Variants in DOCK3 observed in about 807,000 individuals in gnomAD.
DOCK3 encodes the protein dedicator of cytokinesis 3, also known as dedicator of cytokinesis protein 3.
Under a neutral mutation model 265.6 loss-of-function variants are expected in DOCK3, and 60 were observed. That is an observed-to-expected ratio of 0.23 (90% CI 0.18 to 0.28). The LOEUF (loss-of-function observed/expected upper bound fraction) is 0.28, where lower values mean the gene tolerates loss of function less well. DOCK3 is among the 10% of genes least tolerant of loss of function. The pLI, the probability that DOCK3 is intolerant of heterozygous loss-of-function variation, is 1.00. For missense variants in DOCK3, 1,981 were observed against 2,594.3 expected (o/e 0.76, Z 5.14); for synonymous variants, 881 against 938.0 (o/e 0.94, Z 1.11).
At chr3:51,166,314 G>A (rs1161849706) in intron 12 of DOCK3, among the ~76,000 whole-genome samples, 1 of 152,122 alleles carries the variant, frequency 6.6e-6, no homozygotes, top group African/African-American at 2.4e-5. Flanking sequence ...GCCTCCCAAA[G>A]TGCTGGGATT....
chr3:50,893,749 C>A (rs928845788), intron 4 of DOCK3, among the ~76,000 whole-genome samples: 1 of 151,746 alleles, frequency 6.6e-6, no homozygotes, highest in Non-Finnish European at 1.5e-5. Context: ...GAAAACTTCC[C>A]AAATCTGGGG....
intron 2 of DOCK3, among the ~76,000 whole-genome samples, chr3:50,803,530 C>A (rs924213116): frequency 2.0e-5 from 3 of 152,362 alleles, no homozygotes; most frequent in African/African-American, 4.8e-5. Context: ...CACTTCCCCC[C>A]CTTCCACTCA....
chr3:50,969,669 C>G (rs2077135892), intron 5 of DOCK3, among the ~76,000 whole-genome samples: 1 of 152,070 alleles, frequency 6.6e-6, no homozygotes, highest in Non-Finnish European at 1.5e-5. Flanking sequence ...TAGTACTGAT[C>G]TAGTGGTGAT....
chr3:50,745,842 T>C (rs1309295701), intron 1 of DOCK3, among the ~76,000 whole-genome samples: 1 of 152,224 alleles, frequency 6.6e-6, no homozygotes, highest in African/African-American at 2.4e-5. Flanking sequence ...GGCTCCAGGG[T>C]TCCAAGAGAA....
At chr3:50,800,266 T>A (rs1414008902) in intron 2 of DOCK3, among the ~76,000 whole-genome samples, 1 of 152,232 alleles carries the variant, frequency 6.6e-6, no homozygotes, top group Non-Finnish European at 1.5e-5. Flanking sequence ...GAAGACTTGG[T>A]ATTAATTCTT....
At chr3:51,217,785 G>A (rs2089866758) in intron 14 of DOCK3, among the ~76,000 whole-genome samples, 6 of 152,066 alleles carry the variant, frequency 3.9e-5, no homozygotes, top group Admixed American at 3.9e-4. Flanking sequence ...AAAGAAAACC[G>A]TTAGCCAAAA....
At chr3:51,097,179 A>T (rs1483416654) in intron 9 of DOCK3, among the ~76,000 whole-genome samples, 1 of 152,182 alleles carries the variant, frequency 6.6e-6, no homozygotes, top group Non-Finnish European at 1.5e-5. Flanking sequence ...AGGCAGGAGC[A>T]TTTAAGTCTG....
intron 49 of DOCK3, among the ~76,000 whole-genome samples, chr3:51,370,525 G>A (rs1576970008): frequency 6.6e-6 from 1 of 152,250 alleles, no homozygotes; most frequent in Non-Finnish European, 1.5e-5. Flanking sequence ...TCACAGGCTG[G>A]CGGTTACCAC....
intron 1 of DOCK3, among the ~76,000 whole-genome samples, chr3:50,740,465 G>A (rs1280724401): frequency 6.6e-6 from 1 of 152,080 alleles, no homozygotes; most frequent in African/African-American, 2.4e-5. Context: ...CAAAACGATA[G>A]TATCATTTTT....
chr3:50,731,057 A>G (rs1224473246), intron 1 of DOCK3, among the ~76,000 whole-genome samples: 2 of 151,148 alleles, frequency 1.3e-5, no homozygotes, highest in South Asian at 4.2e-4. Flanking sequence ...GCATGAACCC[A>G]GGAGGCAGAG....
At chr3:51,243,100 G>T (rs2078681674) in intron 21 of DOCK3, among the ~76,000 whole-genome samples, 1 of 152,178 alleles carries the variant, frequency 6.6e-6, no homozygotes, top group Non-Finnish European at 1.5e-5. Flanking sequence ...AGCCCCATCT[G>T]ATGGGCAAGA....
intron 4 of DOCK3, among the ~76,000 whole-genome samples, chr3:50,931,349 T>C (rs1279921728): frequency 2.6e-5 from 4 of 152,198 alleles, no homozygotes. Flanking sequence ...ACATTAGATG[T>C]TATAGTTAAT....
intron 5 of DOCK3, among the ~76,000 whole-genome samples, chr3:51,062,439 C>A (rs527963111): frequency 6.6e-6 from 1 of 152,252 alleles, no homozygotes; most frequent in East Asian, 1.9e-4. Context: ...AATGTTGCCA[C>A]CTTACTTCAT....
chr3:51,337,690 C>T (rs2084961757), intron 35 of DOCK3, among the ~76,000 whole-genome samples: 1 of 152,216 alleles, frequency 6.6e-6, no homozygotes, highest in Admixed American at 6.5e-5. Context: ...CTTTGACCAA[C>T]CCTCTCCCTA....
Position 50,725,899 on chromosome 3 carries a change from G to A in DOCK3, c.37+50599G>A, listed in dbSNP as rs1305631862. 3.3e-5 allele frequency among the ~76,000 whole-genome samples: 5 copies of A among 152,070 alleles called. No individual in the cohort carries two copies. The East Asian group carries it at 9.6e-4, about 29-fold the overall frequency. ...TGAAGGCATATACAGTCATCCCTTG[G>A]TATCTCTTGGAGTAATTGTGAAAAG... On this transcript the variant is annotated intron_variant, in intron 1 of 52. Transcript: ENST00000266037.
intron 27 of DOCK3, 69 bp from the exon 28 acceptor site, chr3:51,310,163 A>G: frequency 8.1e-7 from 1 of 1,228,912 alleles, no homozygotes; most frequent in Non-Finnish European, 1.2e-6. Context: ...AGTGGCGGCC[A>G]GGAGTGGCCT....
At position 51,360,500 on chromosome 3, in the gene DOCK3, T is replaced by C; in HGVS notation, c.4885-11T>C. Reference sequence around the variant, plus strand: ...TTTACTCTCTATGAAGGGGCATTCATTTCTCAACAGGAGTTTCCAGGTTTG... The same window carrying C: ...TTTACTCTCTATGAAGGGGCATTCACTTCTCAACAGGAGTTTCCAGGTTTG... On this transcript the variant is annotated splice_polypyrimidine_tract_variant and intron_variant, in intron 46 of 52. Transcript: ENST00000266037. 6.2e-7 allele frequency: 1 copy of C among 1,606,984 alleles called. No individual in the cohort carries two copies. Among genetic ancestry groups the C allele is most frequent in the Non-Finnish European group, 8.5e-7 (1 of 1,176,244 alleles).
intron 1 of DOCK3, among the ~76,000 whole-genome samples, chr3:50,741,943 C>G (rs1330590476): frequency 6.6e-6 from 1 of 152,098 alleles, no homozygotes; most frequent in African/African-American, 2.4e-5. Flanking sequence ...CCTGTTGTTT[C>G]CTGACTTTTT....
At chr3:51,058,318 G>A (rs1288259629) in intron 5 of DOCK3, among the ~76,000 whole-genome samples, 2 of 152,152 alleles carry the variant, frequency 1.3e-5, no homozygotes, top group African/African-American at 4.8e-5. Context: ...ATGTCATGCT[G>A]GAAGGGTATC....
Sources: allele counts gnomAD v4.1 joint callset (sites outside exome capture counted in the v4.1 genomes callset), GRCh38; gene constraint gnomAD v4.1.1; transcripts MANE v1.5; gene names NCBI Gene and HGNC (gene_info 2026-07-23, HGNC 2026-07-21).